The following DHX35 variants were observed in gnomAD, a reference collection of about 807,000 sequenced individuals.
DHX35 encodes probable ATP-dependent RNA helicase DHX35.
Under a neutral mutation model 99.6 loss-of-function variants are expected in DHX35, and 84 were observed. That is an observed-to-expected ratio of 0.84 (90% CI 0.71 to 1.01). The LOEUF is 1.01. Ranked by LOEUF, DHX35 falls within the 50% of genes least tolerant of loss-of-function variation. DHX35 has a pLI of 0.00. For missense variants in DHX35, 852 were observed against 888.5 expected, an observed-to-expected ratio of 0.96 and a Z score of 0.52; for synonymous variants, 331 against 316.2, an observed-to-expected ratio of 1.05 and a Z score of -0.50.
At chr20:39,012,576 C>A (rs946820189) in intron 13 of DHX35, among the ~76,000 whole-genome samples, 2 of 151,760 alleles carry the variant, frequency 1.3e-5, no homozygotes, top group Non-Finnish European at 2.9e-5. Flanking sequence ...GTCACCCAGG[C>A]TGGAGTGCAG....
intron 21 of DHX35, 127 bp from the exon 22 acceptor site, chr20:39,038,372 T>C (rs1326375282): frequency 1.9e-6 from 2 of 1,075,248 alleles, no homozygotes; most frequent in Non-Finnish European, 2.7e-6. Context: ...CATGAACAGC[T>C]CAGCATTTAC....
In DHX35 at chr20:38,992,147, A is replaced by G. The variant is rs372016818; in HGVS notation, c.513-209A>G. On this transcript the variant is annotated intron_variant, in intron 6 of 21. Coordinates refer to ENST00000252011, the MANE Select transcript of DHX35 (RefSeq NM_021931.4). ...GATGGTAAAACGCTTAAAGATAACAATAGTACACTTTTTAAAATTCAGGTA... is the reference window on the plus strand; with the variant it reads ...GATGGTAAAACGCTTAAAGATAACAGTAGTACACTTTTTAAAATTCAGGTA... Among the ~76,000 whole-genome samples, 9 of 152,374 alleles carry G rather than the reference A, an allele frequency of 5.9e-5. No individual in the cohort carries two copies. The South Asian group carries it at 1.5e-3, about 25-fold the overall frequency.
At chr20:39,028,211 CAGTTGTGGGGAGTGGG>C (rs2086988421) in intron 18 of DHX35, among the ~76,000 whole-genome samples, 191 bp from the exon 19 acceptor site, 1 of 152,116 alleles carries the variant, frequency 6.6e-6, no homozygotes, top group African/African-American at 2.4e-5. Context: ...TTGTCAGCAG[CAGTTGTGGGGAGTGGG>C]ACCTCCTTAG....
intron 16 of DHX35, 74 bp from the exon 17 acceptor site, chr20:39,023,616 A>G: frequency 2.1e-6 from 3 of 1,431,698 alleles, no homozygotes; most frequent in Non-Finnish European, 2.0e-6. Context: ...GCCTCACCAA[A>G]TGCTGGGATT....
chr20:38,981,078 G>A (rs900113034), intron 3 of DHX35, among the ~76,000 whole-genome samples: 2 of 152,216 alleles, frequency 1.3e-5, no homozygotes, highest in African/African-American at 4.8e-5. Flanking sequence ...ATCATTTCAA[G>A]GGTTCATAAT....
Position 39,003,921 on chromosome 20 carries a change from G to A in DHX35, c.1011+14G>A. On this transcript the variant is annotated intron_variant, in intron 11 of 21. Coordinates refer to ENST00000252011, the MANE Select transcript of DHX35 (RefSeq NM_021931.4). Reference sequence around the variant, plus strand: ...AGTGTCAGAAAGGTGAGACTATCCTGATGACCAAGGGTGTTGGCAGCCGTC... The same window carrying A: ...AGTGTCAGAAAGGTGAGACTATCCTAATGACCAAGGGTGTTGGCAGCCGTC... 3.1e-6 allele frequency: 5 copies of A among 1,612,520 alleles called. No homozygotes were observed. The highest frequency in any genetic ancestry group is 1.7e-5 in the Admixed American group (1 of 59,958).
At chr20:38,965,786 C>T (rs2085901371) in intron 1 of DHX35, among the ~76,000 whole-genome samples, 1 of 152,152 alleles carries the variant, frequency 6.6e-6, no homozygotes, top group African/African-American at 2.4e-5. Flanking sequence ...GTATGACCTG[C>T]CTGAGAGTTT....
At chr20:38,997,710 T>G (rs1195856509) in intron 8 of DHX35, among the ~76,000 whole-genome samples, 1 of 152,080 alleles carries the variant, frequency 6.6e-6, no homozygotes, top group Non-Finnish European at 1.5e-5. Flanking sequence ...CTGTGTGGGT[T>G]GTGGGTCCGT....
intron 14 of DHX35, among the ~76,000 whole-genome samples, chr20:39,016,421 T>C (rs2086786324): frequency 6.6e-6 from 1 of 152,190 alleles, no homozygotes; most frequent in African/African-American, 2.4e-5. Flanking sequence ...GCTTCTTTCA[T>C]TTAGTATCAT....
rs375345904 is a variant in DHX35 at position 39,006,311 on chromosome 20, C to A, written c.1177C>A (p.Arg393Ser). Residue 393 changes from arginine to serine, a missense_variant, in exon 12 of 22, where the codon CGT (arginine) becomes AGT (serine). Arg to Ser is a moderately radical substitution (Grantham distance 110). Transcript: ENST00000252011. ...SQASANQRAG[R>S]GGRSRSGKCY... ...GGCATCAGCTAATCAGCGAGCAGGA[C>A]GTGGTGGTCGTAGTCGCTCGGGAAA... 1 of 1,614,092 alleles carries A rather than the reference C, an allele frequency of 6.2e-7. No individual in the cohort carries two copies.
intron 17 of DHX35, among the ~76,000 whole-genome samples, chr20:39,024,347 T>G (rs1414846676): frequency 6.6e-6 from 1 of 152,240 alleles, no homozygotes; most frequent in African/African-American, 2.4e-5. Context: ...ATGAAAAAAG[T>G]AACCTTACAT....
intron 2 of DHX35, 83 bp downstream of exon 2, chr20:38,969,297 G>A: frequency 6.9e-7 from 1 of 1,452,370 alleles, no homozygotes; most frequent in Non-Finnish European, 9.2e-7. Flanking sequence ...AGGGAATGAT[G>A]GCCTCTTTCT....
chr20:38,991,635 T>C (rs1442659512), intron 6 of DHX35, 120 bp downstream of exon 6: 1 of 815,360 alleles, frequency 1.2e-6, no homozygotes. Flanking sequence ...AGCTTTTCTC[T>C]TGACCTTGGC....
At chr20:39,013,402 A>G (rs1372734139) in intron 13 of DHX35, among the ~76,000 whole-genome samples, 1 of 152,244 alleles carries the variant, frequency 6.6e-6, no homozygotes, top group Non-Finnish European at 1.5e-5. Context: ...ACAGAAAAAC[A>G]TGTAGTGAGA....
chr20:39,010,795 C>T (rs7265895), intron 13 of DHX35, among the ~76,000 whole-genome samples: 2,118 of 152,196 alleles, frequency 0.014, 51 homozygotes, highest in African/African-American at 0.046. Flanking sequence ...GCAGGAGTAC[C>T]ATGATTGGGG....
At chr20:39,003,018 C>G (rs926159507) in intron 10 of DHX35, 150 bp downstream of exon 10, 3 of 693,038 alleles carry the variant, frequency 4.3e-6, no homozygotes, top group South Asian at 2.0e-5. Context: ...TGATGTCATT[C>G]ATCTACCATC....
In DHX35 at chr20:39,010,304, A is replaced by T. The variant is rs188795313; in HGVS notation, c.1247A>T (p.Gln416Leu). The T allele has an allele frequency of 1.3e-4, 214 of 1,614,150 alleles. 1 individual carries two copies. The highest frequency in any genetic ancestry group is 9.3e-6 in the Non-Finnish European group (11 of 1,180,018). Residue 416 changes from glutamine to leucine, a missense_variant, in exon 13 of 22, where the codon CAG (glutamine) becomes CTG (leucine). By Grantham distance (113) the Gln-to-Leu change is moderately radical. Transcript: ENST00000252011. ...YTEEAFDKLP[Q>L]STVPEMQRSN... ...GAGGAAGCCTTTGACAAGTTGCCTC[A>T]GTCTACGGTTCCTGAGATGCAGCGT...
intron 2 of DHX35, among the ~76,000 whole-genome samples, chr20:38,970,078 T>C (rs1040891737): frequency 2.6e-5 from 4 of 151,946 alleles, no homozygotes; most frequent in African/African-American, 9.7e-5. Flanking sequence ...TATCTATCTG[T>C]CTGTCTGTCT....
intron 18 of DHX35, 146 bp from the exon 19 acceptor site, chr20:39,028,272 G>A: frequency 1.3e-6 from 1 of 749,838 alleles, no homozygotes. Flanking sequence ...ATTGGGAAGG[G>A]TAGGGCTGGA....
Sources: allele counts gnomAD v4.1 joint callset (sites outside exome capture counted in the v4.1 genomes callset), GRCh38; gene constraint gnomAD v4.1.1; transcripts MANE v1.5; gene names NCBI Gene and HGNC (gene_info 2026-07-23, HGNC 2026-07-21).